SMIM5: variants seen among roughly 807,000 people sequenced by gnomAD.
SMIM5 encodes small integral membrane protein 5, also known as chromosome 17 open reading frame 109.
In SMIM5, 4 loss-of-function variants were observed where a neutral mutation model predicts 4.0. The ratio of observed to expected loss-of-function variants is 1.01; its 90% CI spans 0.50 to 2.30. The LOEUF (loss-of-function observed/expected upper bound fraction) is 2.30. SMIM5 is among the 30% of genes most tolerant of loss of function. The pLI, the probability that SMIM5 is intolerant of heterozygous loss-of-function variation, is 0.02. For synonymous variants in SMIM5, 46 were observed against 43.6 expected, an observed-to-expected ratio of 1.05 and a Z score of -0.22; for missense variants, 107 against 99.2, an observed-to-expected ratio of 1.08 and a Z score of -0.34.
At position 75,640,756 on chromosome 17, in the gene SMIM5, C is replaced by G; in HGVS notation, c.128-35C>G. Reference sequence around the variant, plus strand: ...GAGGGTGGGCATCCTTTCTCTCCCCCAACCTGAGTCCCGTGCTCTCTCCCG... The same window carrying G: ...GAGGGTGGGCATCCTTTCTCTCCCCGAACCTGAGTCCCGTGCTCTCTCCCG... On this transcript the variant is annotated intron_variant, in intron 2 of 2. Transcript: ENST00000375215. The surrounding 1 kb of genome is among the most constrained non-coding windows in gnomAD (Gnocchi z 4.6). The G allele has an allele frequency of 6.5e-7, 1 of 1,541,936 alleles. No homozygotes were observed. Among genetic ancestry groups the G allele is most frequent in the East Asian group, 2.5e-5 (1 of 40,668 alleles).
In SMIM5 at chr17:75,640,827, G is replaced by C. The variant is rs2059422963; in HGVS notation, c.164G>C (p.Cys55Ser). The change falls in exon 3 of 3, where the codon TGC becomes TCC. Residue 55 changes from cysteine (C) to serine (S), a missense_variant. Transcript: ENST00000375215. This position sits in a 1 kb window ranked among gnomAD's most constrained non-coding sequence, Gnocchi z 4.6. ...CTGTTGCTGCTGATAGCCTGCAGCT[G>C]CTGCTGCACTCACTGCTGCTGCCCT... ...VLLLLLIACS[C>S]CCTHCCCPER... 1 of 1,549,950 alleles carries C rather than the reference G, an allele frequency of 6.5e-7. No individual in the cohort carries two copies. The highest frequency in any genetic ancestry group is 2.0e-5 in the Admixed American group (1 of 50,984).
rs1367372292 is a variant in SMIM5 at position 75,636,147 on chromosome 17, T to C, written c.-37+1945T>C. 6.6e-6 allele frequency among the ~76,000 whole-genome samples: 1 copy of C among 152,144 alleles called. No individual in the cohort carries two copies. On this transcript the variant is annotated intron_variant, in intron 1 of 2. Coordinates refer to ENST00000375215, the MANE Select transcript of SMIM5 (RefSeq NM_001162995.3). The surrounding 1 kb of genome is among the most constrained non-coding windows in gnomAD (Gnocchi z 5.4). Reference sequence around the variant, plus strand: ...CTGGTGGCAGCTGGGCTACACTCCCTCTTAAGGCCAGAGGGAGCCACCACT... The same window carrying C: ...CTGGTGGCAGCTGGGCTACACTCCCCCTTAAGGCCAGAGGGAGCCACCACT...
intron 1 of SMIM5, chr17:75,639,744 A>G (rs1345492876): frequency 6.4e-6 from 1 of 155,352 alleles, no homozygotes; most frequent in Non-Finnish European, 1.4e-5. Context: ...TCTCGGGAGA[A>G]CCTGCTCCTT....
Position 75,634,003 on chromosome 17 carries a change from C to T in SMIM5, c.-236C>T, listed in dbSNP as rs1027012642. 13 of 985,412 alleles carry T rather than the reference C, an allele frequency of 1.3e-5. No individual in the cohort carries two copies. Among genetic ancestry groups the T allele is most frequent in the African/African-American group, 1.2e-4 (7 of 57,238 alleles). The allele number at this position is 985,412 out of a possible 1,614,324, so 61.0% of individuals were successfully genotyped here. A position where few individuals can be genotyped will look rare whatever the true frequency, so the allele number is the denominator to read the frequency against. On this transcript the variant is annotated 5_prime_UTR_variant, in exon 1 of 3. Transcript: ENST00000375215. ...AGCAGGGCTTCCTCGGGCTCCCCCT[C>T]GCGACGGTAATTTGACACTTGGATC... is the stretch of plus-strand genomic sequence containing the variant.
In SMIM5 at chr17:75,641,368, T is replaced by G. The variant is rs2059432334; in HGVS notation, c.*471T>G. ...AGCATGTCAGTATTCTAGTCCAGTA[T>G]TTGCCAGTTTCCAAGTAAAAGCTTT... On this transcript the variant is annotated 3_prime_UTR_variant, in exon 3 of 3. Transcript: ENST00000375215. The G allele has an allele frequency of 6.4e-6, 1 of 156,998 alleles. No individual in the cohort carries two copies. The highest frequency in any genetic ancestry group is 1.4e-5 in the Non-Finnish European group (1 of 70,706). 9.7% of individuals were successfully genotyped at this position (156,998 alleles called of 1,614,324 possible).
At chr17:75,637,293 G>A (rs939173501) in intron 1 of SMIM5, 1 of 152,310 alleles carries the variant, frequency 6.6e-6, no homozygotes, top group Non-Finnish European at 1.5e-5. Context: ...GTCTCTGCTG[G>A]GCTACATTAG....
At chr17:75,634,243 GAGC>G in intron 1 of SMIM5, 41 bp downstream of exon 1, 2 of 985,556 alleles carry the variant, frequency 2.0e-6, no homozygotes, top group Non-Finnish European at 2.4e-6. Flanking sequence ...GACAGGGAGG[GAGC>G]AGCAAGGGTC....
At chr17:75,635,497 G>A (rs1476403636) in intron 1 of SMIM5, among the ~76,000 whole-genome samples, 2 of 152,214 alleles carry the variant, frequency 1.3e-5, no homozygotes, top group Non-Finnish European at 2.9e-5. Context: ...AGCAGAAAGC[G>A]CTTCCTCCCG....
Position 75,634,086 on chromosome 17 carries a change from G to C in SMIM5, c.-153G>C. The C allele has an allele frequency of 1.0e-6, 1 of 985,632 alleles. No homozygotes were observed. Among genetic ancestry groups the C allele is most frequent in the African/African-American group, 1.7e-5 (1 of 57,382 alleles). 61.1% of individuals were successfully genotyped at this position (985,632 alleles called of 1,614,324 possible). On this transcript the variant is annotated 5_prime_UTR_variant, in exon 1 of 3. Transcript: ENST00000375215. ...GAGACAGCAGCTGGCTGTCAGCAGAGGAGCTGGGCTGAGGCGCCCAGGGGA... is the reference window on the plus strand; with the variant it reads ...GAGACAGCAGCTGGCTGTCAGCAGACGAGCTGGGCTGAGGCGCCCAGGGGA...
intron 1 of SMIM5, chr17:75,639,096 T>A (rs2059383055): frequency 6.6e-6 from 1 of 152,264 alleles, no homozygotes; most frequent in African/African-American, 2.4e-5. Context: ...GAGGGCCCCG[T>A]TCGATGACCT....
rs985738952 is a variant in SMIM5, at chr17:75,640,090, C to T, written c.-36-76C>T. 11 of 1,394,576 alleles carry T rather than the reference C, an allele frequency of 7.9e-6. No homozygotes were observed. In the African/African-American group the frequency reaches 1.0e-4, roughly 13 times the overall value. The allele number at this position is 1,394,576 out of a possible 1,614,324, so 86.4% of individuals were successfully genotyped here. A position where few individuals can be genotyped will look rare whatever the true frequency, so the allele number is the denominator to read the frequency against. ...TTGTTCTGCGGGCTGCGGATGGGTGCGAGGGTGGAATCTCGGTGCTGCGAC... is the reference window on the plus strand; with the variant it reads ...TTGTTCTGCGGGCTGCGGATGGGTGTGAGGGTGGAATCTCGGTGCTGCGAC... On this transcript the variant is annotated intron_variant, in intron 1 of 2. Coordinates refer to ENST00000375215, the MANE Select transcript of SMIM5 (RefSeq NM_001162995.3). This position sits in a 1 kb window ranked among gnomAD's most constrained non-coding sequence, Gnocchi z 4.6.
At chr17:75,634,261 G>GC (rs1241875926) in intron 1 of SMIM5, 59 bp downstream of exon 1, 15 of 985,202 alleles carry the variant, frequency 1.5e-5, no homozygotes, top group Non-Finnish European at 1.7e-5. Context: ...AGGGTCCCCT[G>GC]CCCCCAGGGT....
rs139802510 is a variant in SMIM5 at position 75,639,250 on chromosome 17, G to A, written c.-36-916G>A. On this transcript the variant is annotated intron_variant, in intron 1 of 2. Transcript: ENST00000375215. ...GCCAAAGGTCTGGCACCAGCCCCTG[G>A]CCACCTGTCCCCACCACCACCCCTG... 1,077 of 152,588 alleles carry A rather than the reference G, an allele frequency of 7.1e-3. 3 individuals carry two copies. The highest frequency in any genetic ancestry group is 0.011 in the Non-Finnish European group (726 of 68,154). The allele number at this position is 152,588 out of a possible 1,614,324, so 9.5% of individuals were successfully genotyped here.
Position 75,633,948 on chromosome 17 carries a change from C to T in SMIM5, c.-291C>T, listed in dbSNP as rs994146587. On this transcript the variant is annotated 5_prime_UTR_variant, in exon 1 of 3. Transcript: ENST00000375215. ...CGCTCTCAGGGCAGAGGTGAGGCAC[C>T]GGGACATGAAGTTGGAGGACAAGTT... is the stretch of plus-strand genomic sequence containing the variant. The T allele has an allele frequency of 5.1e-6, 5 of 985,574 alleles. No individual in the cohort carries two copies. The highest frequency in any genetic ancestry group is 9.4e-5 in the South Asian group (2 of 21,298). The allele number at this position is 985,574 out of a possible 1,614,324, so 61.1% of individuals were successfully genotyped here.
chr17:75,640,829 T>C lies in SMIM5; in HGVS notation c.166T>C (p.Cys56Arg), dbSNP rs1353668559. Reference sequence around the variant, plus strand: ...GTTGCTGCTGATAGCCTGCAGCTGCTGCTGCACTCACTGCTGCTGCCCTGA... The same window carrying C: ...GTTGCTGCTGATAGCCTGCAGCTGCCGCTGCACTCACTGCTGCTGCCCTGA... ...LLLLLIACSC[C>R]CTHCCCPERR... Residue 56 changes from cysteine to arginine, a missense_variant, in exon 3 of 3, where the codon TGC becomes CGC. By Grantham distance (180) the Cys-to-Arg change is radical (BLOSUM62 -3). Coordinates refer to ENST00000375215, the MANE Select transcript of SMIM5 (RefSeq NM_001162995.3). The surrounding 1 kb of genome is among the most constrained non-coding windows in gnomAD (Gnocchi z 4.6). 4 of 1,548,700 alleles carry C rather than the reference T, an allele frequency of 2.6e-6. No individual in the cohort carries two copies. The highest frequency in any genetic ancestry group is 8.7e-7 in the Non-Finnish European group (1 of 1,145,704).
rs1156689493 is a variant in SMIM5 at position 75,640,959 on chromosome 17, T to C, written c.*62T>C. 2 of 1,526,448 alleles carry C rather than the reference T, an allele frequency of 1.3e-6. No homozygotes were observed. The highest frequency in any genetic ancestry group is 1.8e-6 in the Non-Finnish European group (2 of 1,138,376). 94.6% of individuals were successfully genotyped at this position (1,526,448 alleles called of 1,614,324 possible). A position where few individuals can be genotyped will look rare whatever the true frequency, so the allele number is the denominator to read the frequency against. ...ATGGCCAATGCCATGACACAGGCCA[T>C]CAGCCTGGCCCTGCAGCCCTTACCC... On this transcript the variant is annotated 3_prime_UTR_variant, in exon 3 of 3. Transcript: ENST00000375215. This position sits in a 1 kb window ranked among gnomAD's most constrained non-coding sequence, Gnocchi z 4.6.
At chr17:75,635,641 A>C (rs1311329379) in intron 1 of SMIM5, among the ~76,000 whole-genome samples, 1 of 152,202 alleles carries the variant, frequency 6.6e-6, no homozygotes, top group Non-Finnish European at 1.5e-5. Flanking sequence ...CCGGCTGCTC[A>C]GGCACAGGAC....
In SMIM5 at chr17:75,640,701, AC is replaced by A; in HGVS notation, c.128-87del. ...CCTCCACCAAACCTGTGGGGGAAAG[AC>A]CCTGGCAGGCAGTGGGTTTCTCTGG... On this transcript the variant is annotated intron_variant, in intron 2 of 2. Coordinates refer to ENST00000375215, the MANE Select transcript of SMIM5 (RefSeq NM_001162995.3). This position sits in a 1 kb window ranked among gnomAD's most constrained non-coding sequence, Gnocchi z 4.6. The A allele has an allele frequency of 1.3e-6, 2 of 1,504,138 alleles. No homozygotes were observed. Among genetic ancestry groups the A allele is most frequent in the Non-Finnish European group, 1.8e-6 (2 of 1,122,418 alleles). 93.2% of individuals were successfully genotyped at this position (1,504,138 alleles called of 1,614,324 possible). A position where few individuals can be genotyped will look rare whatever the true frequency, so the allele number is the denominator to read the frequency against.
intron 1 of SMIM5, among the ~76,000 whole-genome samples, chr17:75,635,212 T>C (rs888978914): frequency 6.6e-6 from 1 of 152,208 alleles, no homozygotes; most frequent in Non-Finnish European, 1.5e-5. Flanking sequence ...CGGCTGGGGC[T>C]GGTGTCTGGG....
Sources: gnomAD v4.1 joint callset for allele counts (sites outside exome capture counted in the v4.1 genomes callset) on GRCh38, gnomAD v4.1.1 for gene constraint, Gnocchi (gnomAD v3.1) non-coding constraint, MANE v1.5 for transcripts, NCBI Gene and HGNC (gene_info 2026-07-23, HGNC 2026-07-21) for gene names.